Variants in CDH8 observed in about 807,000 individuals in gnomAD.
CDH8 encodes cadherin-8.
In CDH8, 17 loss-of-function variants were observed where a neutral mutation model predicts 68.1. The observed-to-expected ratio is 0.25, with a 90% confidence interval of 0.17 to 0.37. The LOEUF is 0.37. CDH8 is among the 10% of genes least tolerant of loss of function. CDH8 has a pLI of 1.00. For synonymous variants in CDH8, 372 were observed against 365.1 expected, an observed-to-expected ratio of 1.02 and a Z score of -0.21; for missense variants, 763 against 999.3, an observed-to-expected ratio of 0.76 and a Z score of 3.19.
chr16:61,714,008 T>C, intron 9 of CDH8, 50 bp from the exon 10 acceptor site: 3 of 1,078,316 alleles, frequency 2.8e-6, no homozygotes, highest in Non-Finnish European at 4.3e-6. Flanking sequence ...CAGAGGCTCC[T>C]GCCATCGGTA....
chr16:61,879,100 A>G (rs1963518880), intron 3 of CDH8, among the ~76,000 whole-genome samples: 1 of 152,178 alleles, frequency 6.6e-6, no homozygotes, highest in South Asian at 2.1e-4. Context: ...TCTAAATCCC[A>G]CACAAATTAG....
At chr16:61,970,995 TC>T (rs1965329591) in intron 2 of CDH8, among the ~76,000 whole-genome samples, 1 of 151,744 alleles carries the variant, frequency 6.6e-6, no homozygotes, top group South Asian at 2.1e-4. Context: ...CTTTGTAATC[TC>T]CCCCATCCTT....
intron 4 of CDH8, among the ~76,000 whole-genome samples, chr16:61,848,325 C>T (rs1597015605): frequency 6.6e-6 from 1 of 152,046 alleles, no homozygotes; most frequent in East Asian, 1.9e-4. Context: ...TCTTTCTATC[C>T]AGCATGCACA....
chr16:62,028,200 G>A (rs961848553), intron 1 of CDH8, among the ~76,000 whole-genome samples: 9 of 150,976 alleles, frequency 6.0e-5, no homozygotes, highest in African/African-American at 2.2e-4. Context: ...GAGTAGCTGG[G>A]ATTAGAGGCA....
chr16:61,900,720 T>G (rs575464639), intron 3 of CDH8, among the ~76,000 whole-genome samples: 1 of 152,190 alleles, frequency 6.6e-6, no homozygotes, highest in African/African-American at 2.4e-5. Context: ...ACCCTAGACA[T>G]GAACCACTAG....
intron 10 of CDH8, among the ~76,000 whole-genome samples, chr16:61,681,441 A>G (rs1238307362): frequency 6.6e-6 from 1 of 151,958 alleles, no homozygotes; most frequent in Non-Finnish European, 1.5e-5. Flanking sequence ...TATACTGTGT[A>G]ATTTCATTTA....
intron 2 of CDH8, among the ~76,000 whole-genome samples, chr16:61,951,903 G>A (rs994510186): frequency 6.6e-6 from 1 of 152,264 alleles, no homozygotes; most frequent in East Asian, 1.9e-4. Context: ...AATGGGAAAC[G>A]GGATTTGCTT....
At chr16:61,782,703 A>G (rs963589284) in intron 8 of CDH8, among the ~76,000 whole-genome samples, 2 of 152,130 alleles carry the variant, frequency 1.3e-5, no homozygotes, top group African/African-American at 4.8e-5. Flanking sequence ...GACAGCTTTG[A>G]AGAGAGCAGT....
chr16:62,005,058 A>T (rs1417675703), intron 2 of CDH8, among the ~76,000 whole-genome samples: 1 of 152,194 alleles, frequency 6.6e-6, no homozygotes, highest in Non-Finnish European at 1.5e-5. Flanking sequence ...GAGTCTTCAG[A>T]TGCAGACTTT....
At chr16:62,022,349 G>T (rs1364843664) in intron 1 of CDH8, among the ~76,000 whole-genome samples, 3 of 152,040 alleles carry the variant, frequency 2.0e-5, no homozygotes, top group Non-Finnish European at 4.4e-5. Context: ...GACAGTGTCA[G>T]GGTCCCCATT....
At chr16:61,697,624 C>G (rs1964352239) in intron 10 of CDH8, among the ~76,000 whole-genome samples, 1 of 152,072 alleles carries the variant, frequency 6.6e-6, no homozygotes, top group African/African-American at 2.4e-5. Flanking sequence ...TCTCAGCCTC[C>G]TGAGTAGCTG....
chr16:61,710,286 A>C (rs1964607318), intron 10 of CDH8, among the ~76,000 whole-genome samples: 1 of 152,028 alleles, frequency 6.6e-6, no homozygotes. Context: ...AAAAATAAAT[A>C]AACTGTATAC....
chr16:61,801,568 C>A (rs1961634635), intron 7 of CDH8, among the ~76,000 whole-genome samples: 1 of 152,192 alleles, frequency 6.6e-6, no homozygotes, highest in Admixed American at 6.5e-5. Context: ...GTTTCTCTCA[C>A]TAGGGAGTGC....
intron 9 of CDH8, among the ~76,000 whole-genome samples, chr16:61,718,587 CTAT>C (rs1156487835): frequency 1.3e-5 from 2 of 151,200 alleles, no homozygotes; most frequent in Non-Finnish European, 3.0e-5. Context: ...TCTATTAATT[CTAT>C]TATTATCTCC....
intron 2 of CDH8, among the ~76,000 whole-genome samples, chr16:61,922,203 C>T (rs918384573): frequency 2.0e-5 from 3 of 152,072 alleles, no homozygotes; most frequent in Non-Finnish European, 4.4e-5. Flanking sequence ...AGAATCCAGG[C>T]CTTTGATAAC....
intron 10 of CDH8, 31 bp downstream of exon 10, chr16:61,713,810 G>A (rs755249173): frequency 5.4e-6 from 6 of 1,115,376 alleles, no homozygotes; most frequent in Middle Eastern, 2.1e-4. Flanking sequence ...AATTTATATT[G>A]TACTCTGTTT....
At chr16:61,915,363 C>G (rs1029080387) in intron 2 of CDH8, among the ~76,000 whole-genome samples, 1 of 152,160 alleles carries the variant, frequency 6.6e-6, no homozygotes, top group Non-Finnish European at 1.5e-5. Flanking sequence ...ATTATCACAA[C>G]TCTATGAGGC....
chr16:61,980,606 GA>G (rs1161468956), intron 2 of CDH8, among the ~76,000 whole-genome samples: 5 of 152,010 alleles, frequency 3.3e-5, no homozygotes, highest in Non-Finnish European at 7.4e-5. Flanking sequence ...ATACTATAAA[GA>G]TTTGTTGGAA....
rs72796860 is a variant in CDH8, at chr16:61,688,490, G to A, written c.1654+25351C>T. On this transcript the variant is annotated intron_variant, in intron 10 of 11. Transcript: ENST00000577390. ...CCTTTTTATGAGTGCTTCCTTTTTC[G>A]TGTAGTGTGGGGTGTTGAGTATTTG... is the stretch of plus-strand genomic sequence containing the variant. 5.0e-3 allele frequency among the ~76,000 whole-genome samples: 763 copies of A among 151,894 alleles called. 4 individuals carry two copies. The highest frequency in any genetic ancestry group is 6.5e-3 in the Non-Finnish European group (442 of 67,908).
Sources: gnomAD v4.1 joint callset for allele counts (sites outside exome capture counted in the v4.1 genomes callset) on GRCh38, gnomAD v4.1.1 for gene constraint, MANE v1.5 for transcripts, NCBI Gene and HGNC (gene_info 2026-07-23, HGNC 2026-07-21) for gene names.